Variants in KCNT2 observed in about 807,000 individuals in gnomAD.
KCNT2 encodes the protein potassium channel subfamily T member 2.
A neutral mutation model predicts 153.8 loss-of-function variants in KCNT2; 67 were observed. That is an observed-to-expected ratio of 0.44 (90% CI 0.36 to 0.53). The LOEUF (loss-of-function observed/expected upper bound fraction) is 0.53, where lower values mean the gene tolerates loss of function less well. Ranked by LOEUF, KCNT2 falls within the 20% of genes least tolerant of loss-of-function variation. The pLI is 0.00. For missense variants in KCNT2, 975 were observed against 1,354.8 expected, an observed-to-expected ratio of 0.72 and a Z score of 4.40; for synonymous variants, 500 against 458.8, an observed-to-expected ratio of 1.09 and a Z score of -1.15.
chr1:196,496,355 C>T (rs1680253541), intron 1 of KCNT2, among the ~76,000 whole-genome samples: 1 of 151,680 alleles, frequency 6.6e-6, no homozygotes, highest in South Asian at 2.1e-4. Context: ...GCAGTCCCAG[C>T]TACTCTGGAG....
chr1:196,542,028 A>G (rs1256318987), intron 1 of KCNT2, among the ~76,000 whole-genome samples: 1 of 152,034 alleles, frequency 6.6e-6, no homozygotes, highest in Non-Finnish European at 1.5e-5. Flanking sequence ...ATACAAGAGC[A>G]TTTATAATTT....
chr1:196,328,132 A>AGCC (rs1664069431), intron 18 of KCNT2, among the ~76,000 whole-genome samples: 1 of 152,188 alleles, frequency 6.6e-6, no homozygotes, highest in Non-Finnish European at 1.5e-5. Context: ...AAGTATTTAA[A>AGCC]GCCTGAGAAA....
chr1:196,559,995 G>A (rs967216440), intron 1 of KCNT2, among the ~76,000 whole-genome samples: 3 of 151,710 alleles, frequency 2.0e-5, no homozygotes, highest in Non-Finnish European at 4.4e-5. Context: ...CCATTCAGAT[G>A]TTATTTGATA....
intron 13 of KCNT2, among the ~76,000 whole-genome samples, chr1:196,383,313 A>G (rs1053281708): frequency 4.6e-5 from 7 of 152,172 alleles, no homozygotes; most frequent in African/African-American, 1.7e-4. Flanking sequence ...AACTATGTAT[A>G]TGCTTAGTAG....
At chr1:196,539,149 TA>T in intron 1 of KCNT2, among the ~76,000 whole-genome samples, 1 of 152,188 alleles carries the variant, frequency 6.6e-6, no homozygotes, top group Non-Finnish European at 1.5e-5. Flanking sequence ...CATGATAAAC[TA>T]AGTTCTTTCT....
chr1:196,593,078 C>T (rs987829074), intron 1 of KCNT2, among the ~76,000 whole-genome samples: 1 of 150,432 alleles, frequency 6.6e-6, no homozygotes, highest in African/African-American at 2.4e-5. Flanking sequence ...TTACCCCCTC[C>T]CACCCTTTCC....
intron 19 of KCNT2, among the ~76,000 whole-genome samples, chr1:196,320,982 T>A (rs901628346): frequency 6.6e-6 from 1 of 150,412 alleles, no homozygotes; most frequent in South Asian, 2.1e-4. Context: ...TTTTCTTTTT[T>A]TTTTTTAAGC....
At chr1:196,336,953 C>A (rs886487306) in intron 16 of KCNT2, among the ~76,000 whole-genome samples, 1 of 152,072 alleles carries the variant, frequency 6.6e-6, no homozygotes, top group African/African-American at 2.4e-5. Context: ...TACTGCAGAG[C>A]TTTGTCTTTT....
chr1:196,247,332 C>T (rs1173392373), intron 26 of KCNT2, among the ~76,000 whole-genome samples: 8 of 152,152 alleles, frequency 5.3e-5, no homozygotes, highest in Non-Finnish European at 1.5e-5. Context: ...ACAATAATAA[C>T]TGGAGACTTC....
chr1:196,440,187 C>T (rs777049281), intron 8 of KCNT2, among the ~76,000 whole-genome samples: 1 of 151,838 alleles, frequency 6.6e-6, no homozygotes, highest in South Asian at 2.1e-4. Flanking sequence ...AATTTAAATG[C>T]ACTTATGATT....
At position 196,553,564 on chromosome 1, in the gene KCNT2, A is replaced by G. The variant is rs541391509; in HGVS notation, c.95+54651T>C. On this transcript the variant is annotated intron_variant, in intron 1 of 27. Transcript: ENST00000294725. ...ATAGCTGATTAAACACATCACTTTC[A>G]GCATAGGACAGACCTCCCAGAAAGA... is the stretch of plus-strand genomic sequence containing the variant. Among the ~76,000 whole-genome samples the G allele has an allele frequency of 2.6e-5, 4 of 151,338 alleles. No homozygotes were observed. The South Asian group carries it at 8.3e-4, about 31-fold the overall frequency.
intron 14 of KCNT2, among the ~76,000 whole-genome samples, chr1:196,343,960 A>T (rs1316716259): frequency 2.0e-5 from 3 of 152,040 alleles, no homozygotes; most frequent in Non-Finnish European, 2.9e-5. Flanking sequence ...TTGTATTTTT[A>T]GTAGAGATGG....
chr1:196,282,914 G>C (rs775522800), intron 23 of KCNT2, among the ~76,000 whole-genome samples: 1 of 152,062 alleles, frequency 6.6e-6, no homozygotes, highest in Non-Finnish European at 1.5e-5. Context: ...GCATGATAGC[G>C]GCTCACTGCA....
chr1:196,450,191 C>T lies in KCNT2; in HGVS notation c.638+15102G>A, dbSNP rs1186683445. Among the ~76,000 whole-genome samples the T allele has an allele frequency of 2.0e-5, 3 of 151,942 alleles. No homozygotes were observed. The South Asian group carries it at 6.2e-4, about 31-fold the overall frequency. ...TAGATACCATAGGTGAAGACCCTAT[C>T]TACTAACACATTGTGTCTTTCATCC... On this transcript the variant is annotated intron_variant, in intron 8 of 27. Transcript: ENST00000294725.
At chr1:196,277,527 C>A (rs956372885) in intron 25 of KCNT2, among the ~76,000 whole-genome samples, 1 of 152,128 alleles carries the variant, frequency 6.6e-6, no homozygotes, top group African/African-American at 2.4e-5. Context: ...TAGACTAAAC[C>A]TTTAATATGT....
intron 23 of KCNT2, among the ~76,000 whole-genome samples, chr1:196,284,459 A>G (rs1320851608): frequency 1.3e-5 from 2 of 150,904 alleles, no homozygotes; most frequent in South Asian, 4.2e-4. Flanking sequence ...ATTTCCTTAC[A>G]AGATTTTATT....
At chr1:196,255,917 T>C (rs949897782) in intron 26 of KCNT2, among the ~76,000 whole-genome samples, 1 of 151,910 alleles carries the variant, frequency 6.6e-6, no homozygotes, top group African/African-American at 2.4e-5. Flanking sequence ...ATTTTAATAG[T>C]GCTATACAGT....
chr1:196,494,415 T>A (rs1680086832), intron 1 of KCNT2, among the ~76,000 whole-genome samples: 1 of 152,114 alleles, frequency 6.6e-6, no homozygotes, highest in Admixed American at 6.5e-5. Context: ...TTGTTGTTTT[T>A]TGGTGACGGA....
chr1:196,567,951 G>A (rs1660306946), intron 1 of KCNT2, among the ~76,000 whole-genome samples: 1 of 152,080 alleles, frequency 6.6e-6, no homozygotes, highest in African/African-American at 2.4e-5. Context: ...ATTCTTAGCA[G>A]CTCTAATATT....
Sources: allele counts gnomAD v4.1 joint callset (sites outside exome capture counted in the v4.1 genomes callset), GRCh38; gene constraint gnomAD v4.1.1; transcripts MANE v1.5; gene names NCBI Gene and HGNC (gene_info 2026-07-23, HGNC 2026-07-21).